Variants in SMTNL1 observed in about 807,000 individuals in gnomAD.
The protein encoded by SMTNL1 is smoothelin like 1, also known as smoothelin-like protein 1.
A neutral mutation model predicts 46.6 loss-of-function variants in SMTNL1; 41 were observed. The ratio of observed to expected loss-of-function variants is 0.88; its 90% CI spans 0.69 to 1.14. The LOEUF (loss-of-function observed/expected upper bound fraction) is 1.14, where lower values mean the gene tolerates loss of function less well. SMTNL1 is among the 50% of genes most tolerant of loss of function. SMTNL1 has a pLI of 0.00. For missense variants in SMTNL1, 591 were observed against 626.1 expected (o/e 0.94, Z 0.60); for synonymous variants, 234 against 234.2 (o/e 1.00, Z 0.01).
chr11:57,542,378 G>A (rs1944886397), intron 1 of SMTNL1, among the ~76,000 whole-genome samples: 2 of 152,216 alleles, frequency 1.3e-5, no homozygotes, highest in African/African-American at 4.8e-5. Context: ...AAGGCATTAT[G>A]TGATTCAATG....
In SMTNL1 at chr11:57,539,881, C is replaced by T. The variant is rs536982497; in HGVS notation, c.-3+2239C>T. Among the ~76,000 whole-genome samples, 3 of 152,196 alleles carry T rather than the reference C, an allele frequency of 2.0e-5. No individual in the cohort carries two copies. The South Asian group carries it at 6.2e-4, about 31-fold the overall frequency. ...AAACACAGAGAGGATGGATAGCTTGCTCAAGGTTAACACAATTAGTAACCC... is the reference window on the plus strand; with the variant it reads ...AAACACAGAGAGGATGGATAGCTTGTTCAAGGTTAACACAATTAGTAACCC... On this transcript the variant is annotated intron_variant, in intron 1 of 7. Coordinates refer to ENST00000527972, the MANE Select transcript of SMTNL1 (RefSeq NM_001105565.3).
At chr11:57,542,139 C>CAA (rs755994227) in intron 1 of SMTNL1, among the ~76,000 whole-genome samples, 9,340 of 148,552 alleles carry the variant, frequency 0.063, 440 homozygotes, top group Non-Finnish European at 0.087. Context: ...CACACACACA[C>CAA]ACACAAAAAT....
At chr11:57,546,727 G>A in intron 7 of SMTNL1, 75 bp downstream of exon 7, 9 of 1,530,932 alleles carry the variant, frequency 5.9e-6, no homozygotes, top group East Asian at 2.4e-5. Context: ...GTTGAGTAGT[G>A]AGGCAGTTAC....
intron 1 of SMTNL1, among the ~76,000 whole-genome samples, chr11:57,539,431 G>T (rs1192242950): frequency 1.3e-5 from 2 of 152,186 alleles, no homozygotes; most frequent in Non-Finnish European, 2.9e-5. Flanking sequence ...TATAAAAAGG[G>T]CTTGTTATCA....
At chr11:57,544,083 A>C (rs1944903564) in intron 4 of SMTNL1, among the ~76,000 whole-genome samples, 163 bp downstream of exon 4, 1 of 152,254 alleles carries the variant, frequency 6.6e-6, no homozygotes, top group Non-Finnish European at 1.5e-5. Context: ...AGGAAACAAA[A>C]GAAGCCAGAG....
intron 4 of SMTNL1, 79 bp from the exon 5 acceptor site, chr11:57,545,802 C>G (rs1590803716): frequency 5.1e-6 from 6 of 1,179,480 alleles, no homozygotes; most frequent in Admixed American, 2.2e-5. Context: ...CACCCACCCT[C>G]CAGCCCCACA....
At chr11:57,545,759 C>A in intron 4 of SMTNL1, 122 bp from the exon 5 acceptor site, 2 of 941,814 alleles carry the variant, frequency 2.1e-6, no homozygotes, top group Non-Finnish European at 3.1e-6. Flanking sequence ...CAGTGCTGGG[C>A]ACAGCTGCAC....
chr11:57,537,672 G>C (rs1260095529), intron 1 of SMTNL1, among the ~76,000 whole-genome samples, 30 bp downstream of exon 1: 1 of 152,200 alleles, frequency 6.6e-6, no homozygotes, highest in African/African-American at 2.4e-5. Flanking sequence ...CCTTTCTAAG[G>C]GTCCCTCCCC....
chr11:57,543,218 G>A lies in SMTNL1; in HGVS notation c.576G>A (p.Lys192=), dbSNP rs1350667638. 16 of 1,613,782 alleles carry A rather than the reference G, an allele frequency of 9.9e-6. No homozygotes were observed. The highest frequency in any genetic ancestry group is 1.3e-5 in the Non-Finnish European group (15 of 1,179,884). Residue 192 remains lysine (K), a synonymous_variant, in exon 2 of 8, where the codon AAG becomes AAA. Coordinates refer to ENST00000527972, the MANE Select transcript of SMTNL1 (RefSeq NM_001105565.3). ...RKECSTEPKE[K]ATDEEAKAES... ...AGTGCAGCACTGAACCCAAGGAGAA[G>A]GCTACTGATGAAGAGGCCAAGGCTG...
chr11:57,543,589 T>C (rs952544019), intron 2 of SMTNL1, 35 bp from the exon 3 acceptor site: 1 of 1,597,286 alleles, frequency 6.3e-7, no homozygotes, highest in Non-Finnish European at 8.5e-7. Flanking sequence ...AGGTGCTGTG[T>C]GACCATGAGC....
Position 57,548,757 on chromosome 11 carries a change from T to G in SMTNL1, c.1341-1211T>G, listed in dbSNP as rs1213759264. The stretch of plus-strand genomic sequence containing the variant: ...AACATACCCTGTCTCCCTTCCTGCC[T>G]TATTTTCCTCCTTAGCACCTCTCAC... On this transcript the variant is annotated intron_variant, in intron 7 of 7. Coordinates refer to ENST00000527972, the MANE Select transcript of SMTNL1 (RefSeq NM_001105565.3). Among the ~76,000 whole-genome samples the G allele has an allele frequency of 2.0e-5, 3 of 152,180 alleles. No individual in the cohort carries two copies. The East Asian group carries it at 5.8e-4, about 29-fold the overall frequency.
chr11:57,539,838 T>C (rs1050383049), intron 1 of SMTNL1, among the ~76,000 whole-genome samples: 1 of 152,194 alleles, frequency 6.6e-6, no homozygotes, highest in Admixed American at 6.5e-5. Flanking sequence ...TGGGACCTAT[T>C]GTTGTCTGCA....
intron 2 of SMTNL1, 122 bp from the exon 3 acceptor site, chr11:57,543,502 G>A: frequency 6.6e-7 from 1 of 1,516,520 alleles, no homozygotes; most frequent in Non-Finnish European, 8.8e-7. Context: ...CAGGGTGGGG[G>A]AGGGGGGACA....
intron 1 of SMTNL1, chr11:57,541,400 A>G (rs946268420): frequency 1.1e-6 from 1 of 885,474 alleles, no homozygotes; most frequent in African/African-American, 1.8e-5. Flanking sequence ...GGGCAGGAGC[A>G]TGAAGGAGCT....
At position 57,540,232 on chromosome 11, in the gene SMTNL1, A is replaced by G. The variant is rs572471497; in HGVS notation, c.-2-2409A>G. Among the ~76,000 whole-genome samples, 5 of 152,234 alleles carry G rather than the reference A, an allele frequency of 3.3e-5. No individual in the cohort carries two copies. The East Asian group carries it at 9.6e-4, about 29-fold the overall frequency. ...TCTATTTAAATGCTAATGAAGTTAT[A>G]TATCTGTTTTTGTTTTGTTTTGTTT... On this transcript the variant is annotated intron_variant, in intron 1 of 7. Coordinates refer to ENST00000527972, the MANE Select transcript of SMTNL1 (RefSeq NM_001105565.3).
chr11:57,546,799 T>G, intron 7 of SMTNL1, 147 bp downstream of exon 7: 1 of 1,070,440 alleles, frequency 9.3e-7, no homozygotes, highest in Non-Finnish European at 1.3e-6. Flanking sequence ...CAGGCACTGT[T>G]TCAGGCCCTG....
chr11:57,545,843 C>T (rs1260197928), intron 4 of SMTNL1, 38 bp from the exon 5 acceptor site: 2 of 1,589,078 alleles, frequency 1.3e-6, no homozygotes, highest in East Asian at 4.6e-5. Flanking sequence ...AGTGCTGGTC[C>T]CAGCCTCTCT....
intron 4 of SMTNL1, among the ~76,000 whole-genome samples, chr11:57,544,191 C>A (rs1388537730): frequency 1.3e-5 from 2 of 152,172 alleles, no homozygotes; most frequent in East Asian, 1.9e-4. Context: ...ACCAGCCTGG[C>A]CAACATGGTG....
At chr11:57,545,832 C>G in intron 4 of SMTNL1, 49 bp from the exon 5 acceptor site, 6 of 1,535,304 alleles carry the variant, frequency 3.9e-6, no homozygotes, top group Non-Finnish European at 5.3e-6. Flanking sequence ...CTGTGTCCTG[C>G]AGTGCTGGTC....
Sources: allele counts gnomAD v4.1 joint callset (sites outside exome capture counted in the v4.1 genomes callset), GRCh38; gene constraint gnomAD v4.1.1; transcripts MANE v1.5; gene names NCBI Gene and HGNC (gene_info 2026-07-23, HGNC 2026-07-21).